The following MGAT5 variants were observed in gnomAD, a reference collection of about 807,000 sequenced individuals.
MGAT5 encodes alpha-1,6-mannosylglycoprotein 6-beta-N-acetylglucosaminyltransferase A.
In MGAT5, 30 loss-of-function variants were observed where a neutral mutation model predicts 94.3. That is an observed-to-expected ratio of 0.32 (90% CI 0.24 to 0.43). MGAT5 has a LOEUF of 0.43. Ranked by LOEUF, MGAT5 falls within the 20% of genes least tolerant of loss-of-function variation. The pLI is 1.00. For synonymous variants in MGAT5, 310 were observed against 322.9 expected (o/e 0.96, Z 0.43); for missense variants, 691 against 905.5 (o/e 0.76, Z 3.04).
intron 1 of MGAT5, among the ~76,000 whole-genome samples, chr2:134,160,460 C>G (rs1329443072): frequency 6.6e-6 from 1 of 152,236 alleles, no homozygotes; most frequent in Non-Finnish European, 1.5e-5. Flanking sequence ...GCCACTGCGC[C>G]TGGCCTGGTT....
At chr2:134,299,269 A>G (rs116928661) in intron 2 of MGAT5, among the ~76,000 whole-genome samples, 1,529 of 152,308 alleles carry the variant, frequency 0.01, 19 homozygotes, top group African/African-American at 0.027. Context: ...TCTGCACACA[A>G]ACAAATTCCA....
intron 1 of MGAT5, among the ~76,000 whole-genome samples, chr2:134,225,389 AG>A (rs1403829255): frequency 9.9e-5 from 15 of 152,200 alleles, no homozygotes; most frequent in Admixed American, 5.2e-4. Flanking sequence ...GTGATGTTCA[AG>A]GAGCAGTTAT....
At position 134,176,910 on chromosome 2, in the gene MGAT5, A is replaced by G. The variant is rs79388666; in HGVS notation, c.-143+56619A>G. Among the ~76,000 whole-genome samples the G allele has an allele frequency of 6.1e-3, 927 of 152,176 alleles. 7 individuals carry two copies. Among genetic ancestry groups the G allele is most frequent in the African/African-American group, 0.021 (886 of 41,510 alleles). ...CTCCAAGGGTCTTGGTTTTTAGGCT[A>G]TAGGATGAAAGTGGTGGTTTAACAG... On this transcript the variant is annotated intron_variant, in intron 1 of 16. Coordinates refer to the MGAT5 transcript ENST00000409645.
intron 7 of MGAT5, among the ~76,000 whole-genome samples, 195 bp downstream of exon 7, chr2:134,341,954 G>T (rs917131425): frequency 6.6e-6 from 1 of 152,064 alleles, no homozygotes; most frequent in Admixed American, 6.6e-5. Context: ...TTTCATTGTC[G>T]CTGAAGGCTC....
intron 4 of MGAT5, among the ~76,000 whole-genome samples, chr2:134,323,582 G>C (rs1043554998): frequency 3.3e-5 from 5 of 152,044 alleles, no homozygotes; most frequent in Non-Finnish European, 7.4e-5. Flanking sequence ...TGTTCCTGCT[G>C]TCTCCTTTAT....
intron 2 of MGAT5, among the ~76,000 whole-genome samples, chr2:134,294,583 T>C (rs1685559387): frequency 6.6e-6 from 1 of 152,160 alleles, no homozygotes; most frequent in African/African-American, 2.4e-5. Flanking sequence ...CTTCAAAGAC[T>C]TTCCTCCCCG....
At chr2:134,357,061 A>G (rs1265735744) in intron 9 of MGAT5, among the ~76,000 whole-genome samples, 1 of 152,202 alleles carries the variant, frequency 6.6e-6, no homozygotes, top group East Asian at 1.9e-4. Flanking sequence ...TGCTTTGTTT[A>G]TTGCTGGAAC....
At chr2:134,160,345 TG>T (rs1386298732) in intron 1 of MGAT5, among the ~76,000 whole-genome samples, 2 of 152,286 alleles carry the variant, frequency 1.3e-5, no homozygotes, top group African/African-American at 2.4e-5. Context: ...GGCTAATTTT[TG>T]TATTTTTAAT....
At chr2:134,274,474 A>G (rs1210692905) in intron 2 of MGAT5, among the ~76,000 whole-genome samples, 1 of 138,608 alleles carries the variant, frequency 7.2e-6, no homozygotes, top group East Asian at 2.4e-4. Context: ...TGGAGGCTTC[A>G]TAGGATGTGA....
Position 134,449,297 on chromosome 2 carries a change from CT to C in MGAT5, c.*454del. 1 of 210,050 alleles carries C rather than the reference CT, an allele frequency of 4.8e-6. No homozygotes were observed. Among genetic ancestry groups the C allele is most frequent in the South Asian group, 8.3e-5 (1 of 12,080 alleles). 13.0% of individuals were successfully genotyped at this position (210,050 alleles called of 1,614,324 possible). A position where few individuals can be genotyped will look rare whatever the true frequency, so the allele number is the denominator to read the frequency against. ...GAGAGGAGGGATTGATCACAGGCTT[CT>C]TTTATTTCCACTGTTAATCATCCAC... On this transcript the variant is annotated 3_prime_UTR_variant, in exon 16 of 16. Coordinates refer to ENST00000281923, the MANE Select transcript of MGAT5 (RefSeq NM_002410.5).
chr2:134,318,552 C>G, intron 3 of MGAT5, 98 bp from the exon 4 acceptor site: 1 of 883,044 alleles, frequency 1.1e-6, no homozygotes, highest in Non-Finnish European at 1.9e-6. Context: ...ACAGCTTGAG[C>G]CATTCACTCC....
At chr2:134,330,554 A>AGTGTGTGTGTGTGTGTGTGTGTGTGTGT (rs34688054) in intron 4 of MGAT5, among the ~76,000 whole-genome samples, 36 of 148,592 alleles carry the variant, frequency 2.4e-4, no homozygotes, top group African/African-American at 8.1e-4. Flanking sequence ...TAAATTGTGT[A>AGTGTGTGTGTGTGTGTGTGTGTGTGTGT]GTGTGTGTGT....
chr2:134,322,460 A>G, intron 4 of MGAT5, among the ~76,000 whole-genome samples: 1 of 152,204 alleles, frequency 6.6e-6, no homozygotes, highest in East Asian at 1.9e-4. Flanking sequence ...CAAGCTAATT[A>G]ACATGTGCAT....
At chr2:134,331,854 A>G (rs1687995987) in intron 4 of MGAT5, among the ~76,000 whole-genome samples, 1 of 152,268 alleles carries the variant, frequency 6.6e-6, no homozygotes, top group South Asian at 2.1e-4. Flanking sequence ...ATTCCAACTT[A>G]CAAGGGACGT....
At chr2:134,178,727 T>C (rs1688594435) in intron 1 of MGAT5, among the ~76,000 whole-genome samples, 1 of 152,202 alleles carries the variant, frequency 6.6e-6, no homozygotes, top group African/African-American at 2.4e-5. Flanking sequence ...CTTGAATTCT[T>C]GATTCCCTTC....
chr2:134,354,846 C>T (rs1679626275), intron 9 of MGAT5, among the ~76,000 whole-genome samples: 1 of 152,146 alleles, frequency 6.6e-6, no homozygotes, highest in Non-Finnish European at 1.5e-5. Context: ...CCCATTCCTG[C>T]TCACTCCTTC....
intron 10 of MGAT5, among the ~76,000 whole-genome samples, chr2:134,395,921 G>C (rs993507898): frequency 6.6e-6 from 1 of 152,212 alleles, no homozygotes; most frequent in Non-Finnish European, 1.5e-5. Flanking sequence ...ATTTATACCA[G>C]ATGAGCTCAA....
At chr2:134,314,167 C>T (rs758016145) in intron 2 of MGAT5, among the ~76,000 whole-genome samples, 36 of 152,214 alleles carry the variant, frequency 2.4e-4, no homozygotes, top group Admixed American at 8.5e-4. Context: ...AAGGCTGGGA[C>T]TCCCAGTTTC....
chr2:134,336,265 G>C lies in MGAT5; in HGVS notation c.622G>C (p.Glu208Gln). ...ACCTTGGAGAGCAAAAAATCCCTACGAAGAAGCTGATCATAATTCATTGGT... is the reference window on the plus strand; with the variant it reads ...ACCTTGGAGAGCAAAAAATCCCTACCAAGAAGCTGATCATAATTCATTGGT... ...HLPWRAKNPY[E>Q]EADHNSLAEI... The change falls in exon 5 of 16, where the codon GAA (glutamate) becomes CAA (glutamine). Residue 208 changes from glutamate (E) to glutamine (Q), a missense_variant. By Grantham distance (29) the Glu-to-Gln change is conservative. This residue lies in a region of MGAT5 where 307 missense variants were observed against 335.4 expected (regional missense o/e 0.92). Coordinates refer to ENST00000281923, the MANE Select transcript of MGAT5 (RefSeq NM_002410.5). 1 of 1,612,602 alleles carries C rather than the reference G, an allele frequency of 6.2e-7. No individual in the cohort carries two copies. The highest frequency in any genetic ancestry group is 8.5e-7 in the Non-Finnish European group (1 of 1,179,230).
Sources: gnomAD v4.1 joint callset for allele counts (sites outside exome capture counted in the v4.1 genomes callset) on GRCh38, gnomAD v4.1.1 for gene constraint, gnomAD v4.1.1 regional missense constraint, MANE v1.5 for transcripts, NCBI Gene and HGNC (gene_info 2026-07-23, HGNC 2026-07-21) for gene names.